SFRP2: variants seen among roughly 807,000 people sequenced by gnomAD.
SFRP2 encodes the protein secreted frizzled-related protein 2.
A neutral mutation model predicts 26.0 loss-of-function variants in SFRP2; 16 were observed. That is an observed-to-expected ratio of 0.61 (90% confidence interval 0.42 to 0.93). The LOEUF is 0.93. SFRP2 is among the 40% of genes least tolerant of loss of function. The probability of loss-of-function intolerance (pLI) is 0.00; values close to 1 mark genes in which losing one functional copy is unlikely to be tolerated. For synonymous variants in SFRP2, 173 were observed against 167.3 expected, an observed-to-expected ratio of 1.03 and a Z score of -0.26; for missense variants, 343 against 392.4, an observed-to-expected ratio of 0.87 and a Z score of 1.06.
chr4:153,784,418 C>T (rs1373106219), intron 2 of SFRP2, among the ~76,000 whole-genome samples: 2 of 152,302 alleles, frequency 1.3e-5, no homozygotes, highest in Middle Eastern at 3.4e-3. Flanking sequence ...CCCGTCAGCC[C>T]CATTTGTGGC....
intron 1 of SFRP2, among the ~76,000 whole-genome samples, chr4:153,787,697 C>CTCT (rs1469738955): frequency 1.3e-5 from 2 of 152,258 alleles, no homozygotes; most frequent in East Asian, 3.8e-4. Flanking sequence ...CCTTTATGCC[C>CTCT]TCTTCCTCAA....
chr4:153,789,028 G>A lies in SFRP2; in HGVS notation c.-193C>T, dbSNP rs536039525. Reference sequence around the variant, plus strand: ...AGCGCGGGCGAGGCGCTGCAAGCCCGCGCGCAGCTCCGGGGGGCTCCGACC... The same window carrying A: ...AGCGCGGGCGAGGCGCTGCAAGCCCACGCGCAGCTCCGGGGGGCTCCGACC... On this transcript the variant is annotated 5_prime_UTR_variant, in exon 1 of 3. Coordinates refer to ENST00000274063, the MANE Select transcript of SFRP2 (RefSeq NM_003013.3). 5 of 580,308 alleles carry A rather than the reference G, an allele frequency of 8.6e-6. No individual in the cohort carries two copies. In the Admixed American group the frequency reaches 1.1e-4, roughly 13 times the overall value. The allele number at this position is 580,308 out of a possible 1,614,324, so 35.9% of individuals were successfully genotyped here.
Position 153,781,353 on chromosome 4 carries a change from G to T in SFRP2, c.*98C>A. ...AGCTGCCCAGGCTGAGACTGGAGCA[G>T]CTAGGAGTGTGCTTGGGGAACGGGA... On this transcript the variant is annotated 3_prime_UTR_variant, in exon 3 of 3. Coordinates refer to ENST00000274063, the MANE Select transcript of SFRP2 (RefSeq NM_003013.3). The T allele has an allele frequency of 8.8e-7, 1 of 1,135,026 alleles. No homozygotes were observed. Among genetic ancestry groups the T allele is most frequent in the Non-Finnish European group, 1.3e-6 (1 of 780,716 alleles). 70.3% of individuals were successfully genotyped at this position (1,135,026 alleles called of 1,614,324 possible). A position where few individuals can be genotyped will look rare whatever the true frequency, so the allele number is the denominator to read the frequency against.
Position 153,781,186 on chromosome 4 carries a change from T to TA in SFRP2, c.*264dup. 2.1e-6 allele frequency: 1 copy of TA among 471,312 alleles called. No individual in the cohort carries two copies. The highest frequency in any genetic ancestry group is 3.6e-5 in the Admixed American group (1 of 27,700). The allele number at this position is 471,312 out of a possible 1,614,324, so 29.2% of individuals were successfully genotyped here. A position where few individuals can be genotyped will look rare whatever the true frequency, so the allele number is the denominator to read the frequency against. On this transcript the variant is annotated 3_prime_UTR_variant, in exon 3 of 3. Coordinates refer to ENST00000274063, the MANE Select transcript of SFRP2 (RefSeq NM_003013.3). ...TAAAGTGAGCTATTTTTAAACTTCA[T>TA]AAAAATATTCATGATTTTATTAGTT... is the stretch of plus-strand genomic sequence containing the variant.
intron 2 of SFRP2, 130 bp downstream of exon 2, chr4:153,785,734 G>A (rs1741194248): frequency 1.7e-6 from 1 of 588,370 alleles, no homozygotes; most frequent in Non-Finnish European, 2.9e-6. Context: ...GATGATTTTG[G>A]GATACATGAG....
At chr4:153,788,056 T>A (rs959707307) in intron 1 of SFRP2, among the ~76,000 whole-genome samples, 1 of 152,360 alleles carries the variant, frequency 6.6e-6, no homozygotes, top group South Asian at 2.1e-4. Flanking sequence ...TTCGTTTTTT[T>A]AGTTTTGTTG....
chr4:153,788,037 G>T (rs1272432307), intron 1 of SFRP2, among the ~76,000 whole-genome samples: 1 of 152,106 alleles, frequency 6.6e-6, no homozygotes, highest in Non-Finnish European at 1.5e-5. Context: ...TTAAACCGCC[G>T]TTCAGTTCTT....
At chr4:153,783,622 G>A (rs967980289) in intron 2 of SFRP2, among the ~76,000 whole-genome samples, 1 of 152,150 alleles carries the variant, frequency 6.6e-6, no homozygotes, top group Non-Finnish European at 1.5e-5. Flanking sequence ...TATATAGGAA[G>A]GTAGTTCTGA....
In SFRP2 at chr4:153,788,815, C is replaced by G. The variant is rs747335590; in HGVS notation, c.21G>C (p.Ser7=). 3.4e-5 allele frequency: 54 copies of G among 1,599,178 alleles called. No individual in the cohort carries two copies. Among genetic ancestry groups the G allele is most frequent in the Non-Finnish European group, 4.6e-5 (54 of 1,178,230 alleles). ...GCGAGGCGAGGAAGAGCAGCAGCAGCGAGCCAGGGCCCTGCAGCATCGTGG... is the reference window on the plus strand; with the variant it reads ...GCGAGGCGAGGAAGAGCAGCAGCAGGGAGCCAGGGCCCTGCAGCATCGTGG... The part of the protein sequence containing the change: MLQGPG[S]LLLLFLASHC... The change falls in exon 1 of 3, where the codon TCG becomes TCC. Residue 7 remains serine (S), a synonymous_variant. Transcript: ENST00000274063.
Position 153,785,945 on chromosome 4 carries a change from C to A in SFRP2, c.503-1G>T, listed in dbSNP as rs778386528. 1.9e-6 allele frequency: 3 copies of A among 1,586,318 alleles called. No individual in the cohort carries two copies. The highest frequency in any genetic ancestry group is 1.4e-5 in the African/African-American group (1 of 73,676). On this transcript the variant is annotated splice_acceptor_variant, in intron 1 of 2. Transcript: ENST00000274063. LOFTEE classifies it high-confidence loss of function. ...TTGCAGGCTTCACATACCTTTGGAG[C>A]TAGAAATGTGAAAAACAGTCTTTAG...
chr4:153,787,749 T>C (rs1741234095), intron 1 of SFRP2, among the ~76,000 whole-genome samples: 1 of 152,204 alleles, frequency 6.6e-6, no homozygotes, highest in African/African-American at 2.4e-5. Context: ...TTCCACACAC[T>C]CCGTGCCAGT....
rs747505062 is a variant in SFRP2, at chr4:153,788,864, G to A, written c.-29C>T. The A allele has an allele frequency of 6.5e-7, 1 of 1,548,028 alleles. No homozygotes were observed. Among genetic ancestry groups the A allele is most frequent in the Non-Finnish European group, 8.7e-7 (1 of 1,154,108 alleles). On this transcript the variant is annotated 5_prime_UTR_variant, in exon 1 of 3. Transcript: ENST00000274063. ...GGGCGCGCGACCCCGAGGGGGCAGA[G>A]GGAGCGGAGCCGGGGAAGGGCGAGG... is the stretch of plus-strand genomic sequence containing the variant.
Position 153,788,922 on chromosome 4 carries a change from C to A in SFRP2, c.-87G>T. 1 of 1,413,702 alleles carries A rather than the reference C, an allele frequency of 7.1e-7. No individual in the cohort carries two copies. Among genetic ancestry groups the A allele is most frequent in the Non-Finnish European group, 9.2e-7 (1 of 1,081,838 alleles). The allele number at this position is 1,413,702 out of a possible 1,614,324, so 87.6% of individuals were successfully genotyped here. A position where few individuals can be genotyped will look rare whatever the true frequency, so the allele number is the denominator to read the frequency against. On this transcript the variant is annotated 5_prime_UTR_variant, in exon 1 of 3. Coordinates refer to ENST00000274063, the MANE Select transcript of SFRP2 (RefSeq NM_003013.3). ...AGTTCGAGCTTGTCCCGGGCCCGCT[C>A]TCTTCGCTGGGTGCGACTCGGGGCC...
chr4:153,784,870 G>C (rs990487496), intron 2 of SFRP2, among the ~76,000 whole-genome samples: 2 of 152,254 alleles, frequency 1.3e-5, no homozygotes, highest in African/African-American at 4.8e-5. Flanking sequence ...CCTTGGAAAA[G>C]GATAAAAGCA....
chr4:153,781,709 G>A lies in SFRP2; in HGVS notation c.630C>T (p.Thr210=). The change falls in exon 3 of 3, where the codon ACC becomes ACT. Residue 210 remains threonine, a synonymous_variant. Transcript: ENST00000274063. ...TGCTCTTGGTCTCCAGGATGATTTT[G>A]GTATCTCGGTTGATGTAGGTTATCT... The part of the protein sequence containing the change: ...VKEITYINRD[T]KIILETKSKT... 1 of 1,614,030 alleles carries A rather than the reference G, an allele frequency of 6.2e-7. No homozygotes were observed. The highest frequency in any genetic ancestry group is 1.3e-5 in the African/African-American group (1 of 74,998).
At chr4:153,783,972 A>G (rs1051217086) in intron 2 of SFRP2, among the ~76,000 whole-genome samples, 2 of 152,170 alleles carry the variant, frequency 1.3e-5, no homozygotes, top group Admixed American at 6.5e-5. Flanking sequence ...TTCTCTCTGT[A>G]AGGAGGGAGC....
At chr4:153,786,044 A>T in intron 1 of SFRP2, 100 bp from the exon 2 acceptor site, 2 of 607,548 alleles carry the variant, frequency 3.3e-6, no homozygotes, top group Non-Finnish European at 5.5e-6. Context: ...CAAAAGTAGC[A>T]ATTGTCCTAT....
chr4:153,784,382 T>C (rs1028238957), intron 2 of SFRP2, among the ~76,000 whole-genome samples: 8 of 152,224 alleles, frequency 5.3e-5, no homozygotes, highest in African/African-American at 1.9e-4. Context: ...GAGGGTTGTA[T>C]ACATTTGAAA....
chr4:153,781,832 G>C, intron 2 of SFRP2, 77 bp from the exon 3 acceptor site: 1 of 1,285,968 alleles, frequency 7.8e-7, no homozygotes, highest in Non-Finnish European at 1.1e-6. Context: ...CTGCCAACTC[G>C]TGTGACTTGG....
Sources: gnomAD v4.1 joint callset for allele counts (sites outside exome capture counted in the v4.1 genomes callset) on GRCh38, gnomAD v4.1.1 for gene constraint, MANE v1.5 for transcripts, NCBI Gene and HGNC (gene_info 2026-07-23, HGNC 2026-07-21) for gene names.